Variants in RRAS2 observed in about 807,000 individuals in gnomAD.
RRAS2 encodes the protein ras-related protein R-Ras2.
RRAS2 carries 7 observed loss-of-function variants against 27.6 expected under a neutral mutation model. That is an observed-to-expected ratio of 0.25 (90% CI 0.14 to 0.48). The LOEUF (loss-of-function observed/expected upper bound fraction) is 0.48. Among genes scored for constraint, RRAS2 ranks in the 20% least tolerant of loss-of-function variants. The probability of loss-of-function intolerance (pLI) is 0.99; values close to 1 mark genes in which losing one functional copy is unlikely to be tolerated. For synonymous variants in RRAS2, 86 were observed against 90.9 expected (o/e 0.95, Z 0.31); for missense variants, 178 against 256.2 (o/e 0.69, Z 2.08).
At chr11:14,310,919 T>G (rs1847949662) in intron 1 of RRAS2, among the ~76,000 whole-genome samples, 1 of 152,234 alleles carries the variant, frequency 6.6e-6, no homozygotes, top group South Asian at 2.1e-4. Context: ...GTTCTGATAC[T>G]TCCTTTCAAA....
chr11:14,323,119 C>A (rs549301520), intron 1 of RRAS2, among the ~76,000 whole-genome samples: 1 of 152,012 alleles, frequency 6.6e-6, no homozygotes, highest in Admixed American at 6.6e-5. Flanking sequence ...AATGGACATA[C>A]GCCTAGAAAA....
At chr11:14,307,132 A>T (rs7942990) in intron 1 of RRAS2, among the ~76,000 whole-genome samples, 21,345 of 151,398 alleles carry the variant, frequency 0.14, 1,682 homozygotes, top group East Asian at 0.18. Context: ...TCAAGGCTGC[A>T]GTGAGCAGTG....
rs1298245391 is a variant in RRAS2, at chr11:14,314,310, G to C, written c.109-18455C>G. ...AACATACAAATGGGAACTACAAGGAGAGTTTTATTGTCATGGGGGTTTCCA... is the reference window on the plus strand; with the variant it reads ...AACATACAAATGGGAACTACAAGGACAGTTTTATTGTCATGGGGGTTTCCA... On this transcript the variant is annotated intron_variant, in intron 1 of 5. Transcript: ENST00000256196. 2.6e-5 allele frequency among the ~76,000 whole-genome samples: 4 copies of C among 152,194 alleles called. No homozygotes were observed. In the East Asian group the frequency reaches 7.7e-4, roughly 29 times the overall value.
chr11:14,303,289 T>A (rs1444415506), intron 1 of RRAS2, among the ~76,000 whole-genome samples: 8 of 152,224 alleles, frequency 5.3e-5, no homozygotes, highest in African/African-American at 1.9e-4. Context: ...TGTATGTGTC[T>A]AAGTGAATGT....
chr11:14,342,159 A>ACAGT lies in RRAS2; in HGVS notation c.108+16600_108+16603dup, dbSNP rs1848725162. On this transcript the variant is annotated intron_variant, in intron 1 of 5. Transcript: ENST00000256196. ...CTCCTCCCAGATTCAAATTGTTAACACAGTCACATGACCAAGAACTTCAGA... is the reference window on the plus strand; with the variant it reads ...CTCCTCCCAGATTCAAATTGTTAACACAGTCAGTCACATGACCAAGAACTTCAGA... 7 of 186,330 alleles carry ACAGT rather than the reference A, an allele frequency of 3.8e-5. 1 individual carries two copies. In the South Asian group the frequency reaches 8.3e-4, roughly 22 times the overall value. 11.5% of individuals were successfully genotyped at this position (186,330 alleles called of 1,614,324 possible). A position where few individuals can be genotyped will look rare whatever the true frequency, so the allele number is the denominator to read the frequency against.
intron 4 of RRAS2, among the ~76,000 whole-genome samples, chr11:14,292,040 G>A (rs1296269369): frequency 6.6e-6 from 1 of 152,166 alleles, no homozygotes; most frequent in African/African-American, 2.4e-5. Context: ...AGCTTTCACT[G>A]TGACATCACA....
At chr11:14,286,107 C>A (rs1849655194) in intron 4 of RRAS2, among the ~76,000 whole-genome samples, 1 of 152,112 alleles carries the variant, frequency 6.6e-6, no homozygotes, top group African/African-American at 2.4e-5. Flanking sequence ...ATGTCTCTAA[C>A]ATGTTTTCTT....
intron 4 of RRAS2, among the ~76,000 whole-genome samples, chr11:14,285,496 G>C (rs949689520): frequency 6.6e-6 from 1 of 152,176 alleles, no homozygotes; most frequent in Non-Finnish European, 1.5e-5. Context: ...GTTATGGTAA[G>C]AGTAATTTAT....
rs1370933967 is a variant in RRAS2 at position 14,278,167 on chromosome 11, CA to C, written c.*1169del. Reference sequence around the variant, plus strand: ...AGCTTACACTTAATACTTGAAATAACAATCAATATCTAGCAGGGAATACTGA... The same window carrying C: ...AGCTTACACTTAATACTTGAAATAACATCAATATCTAGCAGGGAATACTGA... On this transcript the variant is annotated 3_prime_UTR_variant, in exon 6 of 6. Coordinates refer to ENST00000256196, the MANE Select transcript of RRAS2 (RefSeq NM_012250.6). The C allele has an allele frequency of 4.6e-5, 7 of 152,206 alleles. No homozygotes were observed. The highest frequency in any genetic ancestry group is 8.8e-5 in the Non-Finnish European group (6 of 68,038). 9.4% of individuals were successfully genotyped at this position (152,206 alleles called of 1,614,324 possible).
intron 1 of RRAS2, among the ~76,000 whole-genome samples, chr11:14,351,490 G>T (rs782616182): frequency 1.3e-5 from 2 of 152,166 alleles, no homozygotes; most frequent in Non-Finnish European, 2.9e-5. Flanking sequence ...ATTTTGGGAG[G>T]CCAAGGCAGG....
intron 1 of RRAS2, among the ~76,000 whole-genome samples, chr11:14,299,915 T>C (rs959915352): frequency 1.3e-5 from 2 of 152,204 alleles, no homozygotes; most frequent in African/African-American, 4.8e-5. Context: ...GAACTATGTA[T>C]GCGTTCACTT....
chr11:14,296,117 C>A (rs1032707236), intron 1 of RRAS2, among the ~76,000 whole-genome samples: 1 of 151,922 alleles, frequency 6.6e-6, no homozygotes, highest in Non-Finnish European at 1.5e-5. Flanking sequence ...GTGGTTGGGG[C>A]TGCAATGAAC....
intron 1 of RRAS2, among the ~76,000 whole-genome samples, chr11:14,297,677 G>C (rs1847588128): frequency 6.6e-6 from 1 of 151,996 alleles, no homozygotes; most frequent in Non-Finnish European, 1.5e-5. Context: ...CAGAAGAACT[G>C]CTTGAGCCCA....
chr11:14,325,717 CTT>C (rs1848339630), intron 1 of RRAS2, among the ~76,000 whole-genome samples: 1 of 152,050 alleles, frequency 6.6e-6, no homozygotes, highest in Non-Finnish European at 1.5e-5. Flanking sequence ...CTGTTTAAGT[CTT>C]TGTCTTAAAA....
chr11:14,318,716 G>A (rs1249871805), intron 1 of RRAS2, among the ~76,000 whole-genome samples: 1 of 152,214 alleles, frequency 6.6e-6, no homozygotes, highest in African/African-American at 2.4e-5. Flanking sequence ...AATGTTTCCT[G>A]AGGAAGGCAG....
chr11:14,291,819 A>T (rs1847402567), intron 4 of RRAS2, among the ~76,000 whole-genome samples: 1 of 152,196 alleles, frequency 6.6e-6, no homozygotes, highest in African/African-American at 2.4e-5. Context: ...GTACAGGTTG[A>T]ATACCCCTTA....
chr11:14,303,496 G>A (rs899508880), intron 1 of RRAS2, among the ~76,000 whole-genome samples: 3 of 152,088 alleles, frequency 2.0e-5, no homozygotes, highest in African/African-American at 7.2e-5. Context: ...CAGCCCTTTG[G>A]GAGGCAGAGG....
chr11:14,296,453 TA>T (rs1564959039), intron 1 of RRAS2, among the ~76,000 whole-genome samples: 1 of 152,164 alleles, frequency 6.6e-6, no homozygotes, highest in African/African-American at 2.4e-5. Context: ...TTTTCATAAT[TA>T]TTTAAGGTTA....
intron 1 of RRAS2, among the ~76,000 whole-genome samples, chr11:14,304,137 T>C (rs1468929652): frequency 6.6e-6 from 1 of 152,208 alleles, no homozygotes; most frequent in African/African-American, 2.4e-5. Flanking sequence ...GCCTCAGGGC[T>C]ACTGATCCAT....
Sources: gnomAD v4.1 joint callset for allele counts (sites outside exome capture counted in the v4.1 genomes callset) on GRCh38, gnomAD v4.1.1 for gene constraint, MANE v1.5 for transcripts, NCBI Gene and HGNC (gene_info 2026-07-23, HGNC 2026-07-21) for gene names.